Variants in ACTR3B observed in about 807,000 individuals in gnomAD.
ACTR3B encodes the protein actin-related protein 3B.
ACTR3B carries 8 observed loss-of-function variants against 59.0 expected under a neutral mutation model. The ratio of observed to expected loss-of-function variants is 0.14; its 90% confidence interval spans 0.08 to 0.24. The LOEUF (loss-of-function observed/expected upper bound fraction) is 0.24, where lower values mean the gene tolerates loss of function less well. Ranked by LOEUF, ACTR3B falls within the 10% of genes least tolerant of loss-of-function variation. The pLI, the probability that ACTR3B is intolerant of heterozygous loss-of-function variation, is 1.00. For missense variants in ACTR3B, 245 were observed against 552.3 expected (o/e 0.44, Z 5.58); for synonymous variants, 148 against 197.9 (o/e 0.75, Z 2.12).
intron 1 of ACTR3B, among the ~76,000 whole-genome samples, chr7:152,761,237 A>G (rs1055181755): frequency 1.3e-5 from 2 of 152,180 alleles, no homozygotes; most frequent in African/African-American, 2.4e-5. Flanking sequence ...TGTCGATACT[A>G]CAGCTCCCCT....
chr7:152,807,613 G>A (rs1259646977), intron 4 of ACTR3B, among the ~76,000 whole-genome samples: 1 of 152,206 alleles, frequency 6.6e-6, no homozygotes, highest in South Asian at 2.1e-4. Flanking sequence ...ACTGCTGTCA[G>A]CACCGCGCAA....
Position 152,808,376 on chromosome 7 carries a change from A to G in ACTR3B, c.337-6174A>G, listed in dbSNP as rs541873463. On this transcript the variant is annotated intron_variant, in intron 4 of 11. Transcript: ENST00000256001. The stretch of plus-strand genomic sequence containing the variant: ...TTTCTCTTTTGGTTATTTCATTTGG[A>G]CATCCATAACTTTAAATTTGTATGT... 9.0e-3 allele frequency among the ~76,000 whole-genome samples: 1,361 copies of G among 150,908 alleles called. 12 individuals are homozygous for G. Among genetic ancestry groups the G allele is most frequent in the Middle Eastern group, 0.034 (10 of 294 alleles).
intron 9 of ACTR3B, among the ~76,000 whole-genome samples, chr7:152,845,123 CTT>C (rs1798168327): frequency 6.6e-6 from 1 of 150,878 alleles, no homozygotes; most frequent in Non-Finnish European, 1.5e-5. Context: ...GGTTTAGGGA[CTT>C]TTGTTTTCTT....
chr7:152,784,814 A>G (rs1392925334), intron 2 of ACTR3B, among the ~76,000 whole-genome samples: 1 of 151,828 alleles, frequency 6.6e-6, no homozygotes, highest in African/African-American at 2.4e-5. Flanking sequence ...TTCTCTGCTG[A>G]TAAGGCCACC....
chr7:152,780,775 G>T (rs1220246867), intron 1 of ACTR3B, among the ~76,000 whole-genome samples: 1 of 151,648 alleles, frequency 6.6e-6, no homozygotes, highest in African/African-American at 2.4e-5. Context: ...GTGCACAGTG[G>T]GAAGAATGAA....
intron 9 of ACTR3B, among the ~76,000 whole-genome samples, chr7:152,842,336 T>C (rs1797931298): frequency 6.6e-6 from 1 of 152,160 alleles, no homozygotes; most frequent in Non-Finnish European, 1.5e-5. Context: ...GCATATACGG[T>C]GTGGACATGC....
intron 2 of ACTR3B, among the ~76,000 whole-genome samples, chr7:152,789,069 AC>A: frequency 7.1e-6 from 1 of 140,388 alleles, no homozygotes; most frequent in Non-Finnish European, 1.6e-5. Flanking sequence ...ACAACAAACA[AC>A]AACAACAACA....
chr7:152,808,783 A>G (rs911709622), intron 4 of ACTR3B, among the ~76,000 whole-genome samples: 7 of 152,320 alleles, frequency 4.6e-5, no homozygotes, highest in Admixed American at 3.3e-4. Context: ...GATGAGATAC[A>G]ATATTGGCTA....
intron 9 of ACTR3B, among the ~76,000 whole-genome samples, chr7:152,825,719 C>T (rs2462091): frequency 2.6e-4 from 40 of 152,214 alleles, no homozygotes; most frequent in Admixed American, 5.2e-4. Context: ...AAAGTAAGAG[C>T]GGTGCCCTCC....
chr7:152,836,747 T>C (rs142555039), intron 9 of ACTR3B, among the ~76,000 whole-genome samples: 437 of 150,764 alleles, frequency 2.9e-3, no homozygotes, highest in African/African-American at 0.01. Context: ...TTCAGACTGC[T>C]GTGTGGGATA....
At chr7:152,800,405 C>G (rs2098231538) in intron 2 of ACTR3B, 126 bp from the exon 3 acceptor site, 1 of 1,246,116 alleles carries the variant, frequency 8.0e-7, no homozygotes, top group Non-Finnish European at 1.1e-6. Flanking sequence ...CTGTGAGCAC[C>G]CTTCACCCCA....
At chr7:152,844,390 T>TA (rs1200883132) in intron 9 of ACTR3B, among the ~76,000 whole-genome samples, 3 of 143,070 alleles carry the variant, frequency 2.1e-5, no homozygotes, top group Non-Finnish European at 4.5e-5. Context: ...AATGTTTTTT[T>TA]AAAAAAATCT....
chr7:152,801,864 G>C, intron 4 of ACTR3B, 133 bp downstream of exon 4: 1 of 552,248 alleles, frequency 1.8e-6, no homozygotes, highest in East Asian at 5.9e-5. Context: ...CTGCTTTTTT[G>C]AAAATAAAGC....
intron 9 of ACTR3B, among the ~76,000 whole-genome samples, chr7:152,828,667 G>A (rs953004624): frequency 6.6e-6 from 1 of 152,148 alleles, no homozygotes; most frequent in East Asian, 1.9e-4. Flanking sequence ...TGTGTCTTAG[G>A]GGTGTGCCTT....
chr7:152,804,367 C>T (rs147348877), intron 4 of ACTR3B, among the ~76,000 whole-genome samples: 34 of 152,258 alleles, frequency 2.2e-4, no homozygotes, highest in African/African-American at 7.2e-4. Flanking sequence ...AATGAGAGGG[C>T]GTGGTGATTC....
intron 2 of ACTR3B, among the ~76,000 whole-genome samples, chr7:152,793,958 G>A (rs2098206598): frequency 6.6e-6 from 1 of 151,990 alleles, no homozygotes; most frequent in Admixed American, 6.6e-5. Flanking sequence ...GGGCTGGGGT[G>A]GAAGTGGGGA....
chr7:152,769,118 G>C (rs1054925366), intron 1 of ACTR3B, among the ~76,000 whole-genome samples: 2 of 152,162 alleles, frequency 1.3e-5, no homozygotes, highest in African/African-American at 4.8e-5. Context: ...CTCCTAAAGT[G>C]CTGGGATTAC....
intron 1 of ACTR3B, among the ~76,000 whole-genome samples, chr7:152,765,733 A>ACTG (rs2098107761): frequency 6.6e-6 from 1 of 152,066 alleles, no homozygotes; most frequent in Admixed American, 6.5e-5. Context: ...CATCCAGGGC[A>ACTG]TACCTGTACA....
chr7:152,853,586 C>G lies in ACTR3B; in HGVS notation c.1161+9C>G. 6.2e-7 allele frequency: 1 copy of G among 1,611,166 alleles called. No individual in the cohort carries two copies. The highest frequency in any genetic ancestry group is 2.2e-5 in the East Asian group (1 of 44,750). On this transcript the variant is annotated intron_variant, in intron 11 of 11. Coordinates refer to ENST00000256001, the MANE Select transcript of ACTR3B (RefSeq NM_020445.6). ...CCATGCTGGCCTCGACTGTAAGTCC[C>G]TCTCTCGAGGGCTCTGTGTCTCCAT...
Sources: gnomAD v4.1 joint callset for allele counts (sites outside exome capture counted in the v4.1 genomes callset) on GRCh38, gnomAD v4.1.1 for gene constraint, MANE v1.5 for transcripts, NCBI Gene and HGNC (gene_info 2026-07-23, HGNC 2026-07-21) for gene names.